Variants in GABRA3 observed in about 807,000 individuals in gnomAD.
GABRA3 encodes the protein gamma-aminobutyric acid type A receptor subunit alpha3.
GABRA3 carries 10 observed loss-of-function variants against 30.1 expected under a neutral mutation model. The observed-to-expected ratio is 0.33, with a 90% CI of 0.20 to 0.56. GABRA3 has a LOEUF of 0.56. Among genes scored for constraint, GABRA3 ranks in the 20% least tolerant of loss-of-function variants. The pLI is 0.89. For synonymous variants in GABRA3, 151 were observed against 146.8 expected (o/e 1.03, Z -0.21); for missense variants, 233 against 392.0 (o/e 0.59, Z 3.42).
intron 9 of GABRA3, among the ~76,000 whole-genome samples, chrX:152,188,556 T>C (rs993546683): frequency 1.8e-5 from 2 of 110,736 alleles, no homozygotes; most frequent in Non-Finnish European, 3.8e-5. Flanking sequence ...GGAATAAATA[T>C]ATTTTAAGGG....
intron 7 of GABRA3, among the ~76,000 whole-genome samples, chrX:152,203,975 GTA>G (rs1409091598): frequency 8.9e-6 from 1 of 112,010 alleles, no homozygotes; most frequent in Non-Finnish European, 1.9e-5. Context: ...AGAACTGAGT[GTA>G]TATTTTAATC....
At chrX:152,298,014 C>T (rs1939561204) in intron 3 of GABRA3, among the ~76,000 whole-genome samples, 1 of 112,262 alleles carries the variant, frequency 8.9e-6, no homozygotes, top group Non-Finnish European at 1.9e-5. Flanking sequence ...TGTCCTTCAA[C>T]TGGAACAAGC....
intron 5 of GABRA3, among the ~76,000 whole-genome samples, chrX:152,241,331 A>G (rs1287432452): frequency 6.7e-4 from 53 of 79,416 alleles, no homozygotes; most frequent in Non-Finnish European, 1.3e-3. Flanking sequence ...GTCAGGGGTC[A>G]GGGACCCACT....
intron 3 of GABRA3, among the ~76,000 whole-genome samples, chrX:152,298,138 T>A (rs772309011): frequency 8.9e-6 from 1 of 112,198 alleles, no homozygotes; most frequent in Admixed American, 9.5e-5. Context: ...GAACATAAAA[T>A]TAATTGGTAG....
chrX:152,368,667 G>T (rs373663806), intron 1 of GABRA3, among the ~76,000 whole-genome samples: 9 of 106,498 alleles, frequency 8.5e-5, no homozygotes, highest in African/African-American at 3.1e-4. Context: ...TAGTGAGATT[G>T]CTGAATCATG....
chrX:152,428,016 A>G (rs1045874512), intron 1 of GABRA3, among the ~76,000 whole-genome samples: 1 of 112,386 alleles, frequency 8.9e-6, no homozygotes, highest in African/African-American at 3.2e-5. Context: ...TCTTTTTATG[A>G]GAATACAGGT....
chrX:152,442,381 TA>T (rs1266088718), intron 1 of GABRA3, among the ~76,000 whole-genome samples: 5 of 106,912 alleles, frequency 4.7e-5, no homozygotes, highest in African/African-American at 6.8e-5. Flanking sequence ...ATTTCCAAAA[TA>T]AAAAAAGGGA....
intron 1 of GABRA3, among the ~76,000 whole-genome samples, chrX:152,447,416 A>T (rs942524695): frequency 2.7e-5 from 3 of 111,828 alleles, no homozygotes; most frequent in Non-Finnish European, 3.8e-5. Flanking sequence ...AGAAATTTTT[A>T]AAATGGGATG....
chrX:152,284,503 G>A (rs1442053678), intron 4 of GABRA3, among the ~76,000 whole-genome samples, 165 bp downstream of exon 4: 1 of 111,424 alleles, frequency 9.0e-6, no homozygotes, highest in African/African-American at 3.3e-5. Context: ...GGGAGAGCAG[G>A]GCAAAGATGG....
chrX:152,381,894 G>A (rs1425973159), intron 1 of GABRA3, among the ~76,000 whole-genome samples: 1 of 111,302 alleles, frequency 9.0e-6, no homozygotes, highest in Non-Finnish European at 1.9e-5. Flanking sequence ...TGTTTTTTAT[G>A]GCTGCATAGT....
At chrX:152,296,705 T>C (rs1001527746) in intron 3 of GABRA3, among the ~76,000 whole-genome samples, 5 of 104,925 alleles carry the variant, frequency 4.8e-5, no homozygotes, top group African/African-American at 6.9e-5. Flanking sequence ...TTCTTTCTCT[T>C]TTTTTTTTTT....
intron 3 of GABRA3, among the ~76,000 whole-genome samples, chrX:152,301,841 G>A (rs749618095): frequency 3.6e-5 from 4 of 110,945 alleles, no homozygotes; most frequent in African/African-American, 3.3e-5. Flanking sequence ...CATCTTGTGT[G>A]GTTTTTAATG....
intron 7 of GABRA3, among the ~76,000 whole-genome samples, chrX:152,201,909 T>C (rs1937489269): frequency 8.9e-6 from 1 of 111,819 alleles, no homozygotes; most frequent in Non-Finnish European, 1.9e-5. Context: ...AGAAATAATA[T>C]ATACAATGAC....
At chrX:152,337,667 A>C (rs1419688682) in intron 3 of GABRA3, among the ~76,000 whole-genome samples, 1 of 110,952 alleles carries the variant, frequency 9.0e-6, no homozygotes, top group Non-Finnish European at 1.9e-5. Context: ...TGTCTCTACA[A>C]AAAATAAATA....
chrX:152,393,480 G>A (rs906662885), intron 1 of GABRA3: 1 of 380,628 alleles, frequency 2.6e-6, no homozygotes, highest in Non-Finnish European at 5.3e-6. Flanking sequence ...CAAGCATGCT[G>A]CATGCTCAGA....
chrX:152,229,868 A>C (rs1284445832), intron 5 of GABRA3, among the ~76,000 whole-genome samples: 1 of 111,387 alleles, frequency 9.0e-6, no homozygotes, highest in Non-Finnish European at 1.9e-5. Flanking sequence ...CAAAAACAAA[A>C]CCAGGAAGAT....
In GABRA3 at chrX:152,268,812, G is replaced by A. The variant is rs145084848; in HGVS notation, c.331-12814C>T. Among the ~76,000 whole-genome samples, 8 of 111,553 alleles carry A rather than the reference G, an allele frequency of 7.2e-5. No individual in the cohort carries two copies. The East Asian group carries it at 1.1e-3, about 16-fold the overall frequency. On this transcript the variant is annotated intron_variant, in intron 4 of 9. Transcript: ENST00000370314. Reference sequence around the variant, plus strand: ...CTTGAACTCCTGAGCTCAAGGGATCGGTGTGCCTGGACCACCCAAAGTGCT... The same window carrying A: ...CTTGAACTCCTGAGCTCAAGGGATCAGTGTGCCTGGACCACCCAAAGTGCT...
intron 4 of GABRA3, among the ~76,000 whole-genome samples, chrX:152,265,386 T>C (rs1336742150): frequency 9.0e-6 from 1 of 111,517 alleles, no homozygotes; most frequent in African/African-American, 3.3e-5. Context: ...AACAACATAC[T>C]GCTGAATGAC....
intron 4 of GABRA3, among the ~76,000 whole-genome samples, chrX:152,275,224 AT>A (rs1569378294): frequency 1.4e-5 from 1 of 69,304 alleles, no homozygotes; most frequent in Non-Finnish European, 2.4e-5. Context: ...TTATATATAT[AT>A]AATTTATATA....
Sources: allele counts gnomAD v4.1 joint callset (sites outside exome capture counted in the v4.1 genomes callset), GRCh38; gene constraint gnomAD v4.1.1; transcripts MANE v1.5; gene names NCBI Gene and HGNC (gene_info 2026-07-23, HGNC 2026-07-21).